PCDH7: variants seen among roughly 807,000 people sequenced by gnomAD.
PCDH7 encodes the protein protocadherin-7.
In PCDH7, 17 loss-of-function variants were observed where a neutral mutation model predicts 58.9. The ratio of observed to expected loss-of-function variants is 0.29; its 90% CI spans 0.20 to 0.43. The LOEUF (loss-of-function observed/expected upper bound fraction) is 0.43, where lower values mean the gene tolerates loss of function less well. Among genes scored for constraint, PCDH7 ranks in the 20% least tolerant of loss-of-function variants. The pLI is 1.00. For synonymous variants in PCDH7, 664 were observed against 616.4 expected, an observed-to-expected ratio of 1.08 and a Z score of -1.14; for missense variants, 1,274 against 1,441.0, an observed-to-expected ratio of 0.88 and a Z score of 1.88.
chr4:30,873,006 AG>A (rs1397990278), intron 1 of PCDH7, among the ~76,000 whole-genome samples: 1 of 152,118 alleles, frequency 6.6e-6, no homozygotes, highest in African/African-American at 2.4e-5. Flanking sequence ...ACTCAGCAAA[AG>A]GAATTACTGA....
At chr4:30,784,027 A>T (rs1723109312) in intron 1 of PCDH7, among the ~76,000 whole-genome samples, 1 of 152,090 alleles carries the variant, frequency 6.6e-6, no homozygotes, top group Non-Finnish European at 1.5e-5. Context: ...GCAAAGACAA[A>T]GGCCATGTCT....
At chr4:30,999,907 C>T (rs143139082) in intron 3 of PCDH7, among the ~76,000 whole-genome samples, 270 of 152,140 alleles carry the variant, frequency 1.8e-3, no homozygotes, top group African/African-American at 6.3e-3. Context: ...AAATGACAAA[C>T]GTTTTCTCTT....
intron 3 of PCDH7, among the ~76,000 whole-genome samples, chr4:31,040,044 C>T (rs1232305632): frequency 6.6e-6 from 1 of 152,066 alleles, no homozygotes; most frequent in Non-Finnish European, 1.5e-5. Flanking sequence ...TGCAAATGCC[C>T]AGAGCTGAAT....
chr4:30,820,962 T>TA (rs548052748), intron 1 of PCDH7, among the ~76,000 whole-genome samples: 236 of 152,110 alleles, frequency 1.6e-3, no homozygotes, highest in African/African-American at 4.6e-3. Flanking sequence ...GTGCCTCATT[T>TA]AAAAAAAATG....
At chr4:30,962,776 T>TAAAAA (rs57257786) in intron 3 of PCDH7, among the ~76,000 whole-genome samples, 13 of 70,628 alleles carry the variant, frequency 1.8e-4, no homozygotes, top group African/African-American at 5.3e-4. Context: ...GACCCAGTCT[T>TAAAAA]AAAAAAAAAA....
intron 1 of PCDH7, among the ~76,000 whole-genome samples, chr4:30,871,067 T>C (rs559192904): frequency 1.1e-4 from 16 of 152,216 alleles, no homozygotes; most frequent in African/African-American, 3.4e-4. Flanking sequence ...GAACTTTACA[T>C]TGGTGATGCC....
chr4:31,079,614 G>A (rs1759333794), intron 3 of PCDH7, among the ~76,000 whole-genome samples: 2 of 151,166 alleles, frequency 1.3e-5, no homozygotes, highest in South Asian at 4.2e-4. Context: ...CAGGTTTATA[G>A]AATTGCATTA....
At chr4:30,797,526 G>C (rs528300171) in intron 1 of PCDH7, among the ~76,000 whole-genome samples, 4 of 150,700 alleles carry the variant, frequency 2.7e-5, no homozygotes, top group African/African-American at 9.8e-5. Flanking sequence ...TGCCCGCCTC[G>C]GTCTCCCAAA....
chr4:30,724,259 C>A, exon 1 of PCDH7: 1 of 1,613,474 alleles, frequency 6.2e-7, no homozygotes, highest in Non-Finnish European at 8.5e-7. Context: ...TCTAAGCAGC[C>A]TCTCTACAGC....
intron 3 of PCDH7, among the ~76,000 whole-genome samples, chr4:31,088,343 A>C (rs1712748799): frequency 6.6e-6 from 1 of 152,032 alleles, no homozygotes; most frequent in African/African-American, 2.4e-5. Context: ...TCCTGTTAAT[A>C]CTTCTATCAA....
chr4:30,907,834 A>C (rs1291254002), intron 1 of PCDH7, among the ~76,000 whole-genome samples: 1 of 152,190 alleles, frequency 6.6e-6, no homozygotes, highest in African/African-American at 2.4e-5. Flanking sequence ...ACAATAGCAA[A>C]GACTTGAAAC....
intron 3 of PCDH7, among the ~76,000 whole-genome samples, chr4:30,984,889 C>T (rs140005850): frequency 6.6e-6 from 1 of 152,102 alleles, no homozygotes; most frequent in Admixed American, 6.5e-5. Context: ...CATTTGTTTT[C>T]TGGGGCAAAG....
intron 1 of PCDH7, chr4:30,869,000 T>C (rs1230678469): frequency 6.6e-6 from 1 of 152,130 alleles, no homozygotes; most frequent in African/African-American, 2.4e-5. Context: ...CCAAAAATGT[T>C]ATCAAGCATT....
intron 3 of PCDH7, among the ~76,000 whole-genome samples, chr4:31,044,712 T>C (rs943370845): frequency 1.3e-5 from 2 of 152,102 alleles, no homozygotes; most frequent in Non-Finnish European, 2.9e-5. Context: ...TATAATTTGG[T>C]GTTTTAACAA....
rs541399547 is a variant in PCDH7, at chr4:30,941,401, C to T, written c.288-8719C>T. ...ACTCAAAATGGTTTTGTATAGCTTC[C>T]GCTAATCTTATTCAAGACTGAAGCG... is the stretch of plus-strand genomic sequence containing the variant. On this transcript the variant is annotated intron_variant, in intron 2 of 3. Transcript: ENST00000509759. Among the ~76,000 whole-genome samples the T allele has an allele frequency of 5.4e-3, 813 of 151,880 alleles. 10 individuals carry two copies. Among genetic ancestry groups the T allele is most frequent in the African/African-American group, 0.018 (750 of 41,506 alleles).
chr4:30,892,282 C>T (rs1313059306), intron 1 of PCDH7, among the ~76,000 whole-genome samples: 1 of 151,962 alleles, frequency 6.6e-6, no homozygotes, highest in African/African-American at 2.4e-5. Flanking sequence ...TGAAGCACCT[C>T]TCTATAAATA....
chr4:30,722,982 C>T lies in PCDH7; in HGVS notation c.1560C>T (p.Ser520=), dbSNP rs1350412476. ...GCCCCAGCCTCTCGAGCAACAACTC[C>T]CTGATTGTCAAGGTGGGAGACACCA... Residue 520 remains serine (S), a synonymous_variant, in exon 1 of 2, where the codon TCC becomes TCT. Transcript: ENST00000361762. The surrounding 1 kb of genome is among the most constrained non-coding windows in gnomAD (Gnocchi z 7.6). 1.2e-6 allele frequency: 2 copies of T among 1,613,856 alleles called. No homozygotes were observed.
At chr4:31,020,193 A>G (rs1486571684) in intron 3 of PCDH7, among the ~76,000 whole-genome samples, 1 of 152,250 alleles carries the variant, frequency 6.6e-6, no homozygotes. Flanking sequence ...CAACATAAAC[A>G]GTGGCATTCC....
chr4:31,125,574 G>A (rs1193585381), intron 3 of PCDH7, among the ~76,000 whole-genome samples: 2 of 152,104 alleles, frequency 1.3e-5, no homozygotes, highest in South Asian at 2.1e-4. Flanking sequence ...TGTAGAAAAC[G>A]CAGTTCAATT....
Sources: gnomAD v4.1 joint callset for allele counts (sites outside exome capture counted in the v4.1 genomes callset) on GRCh38, gnomAD v4.1.1 for gene constraint, Gnocchi (gnomAD v3.1) non-coding constraint, MANE v1.5 for transcripts, NCBI Gene and HGNC (gene_info 2026-07-23, HGNC 2026-07-21) for gene names.